ADAMTS12: variants seen among roughly 807,000 people sequenced by gnomAD.
ADAMTS12 encodes the protein A disintegrin and metalloproteinase with thrombospondin motifs 12.
A neutral mutation model predicts 167.8 loss-of-function variants in ADAMTS12; 118 were observed. The ratio of observed to expected loss-of-function variants is 0.70; its 90% confidence interval spans 0.61 to 0.82. ADAMTS12 has a LOEUF of 0.82. ADAMTS12 is among the 40% of genes least tolerant of loss of function. ADAMTS12 has a pLI of 0.00. For missense variants in ADAMTS12, 1,916 were observed against 1,998.8 expected (o/e 0.96, Z 0.79); for synonymous variants, 704 against 716.9 (o/e 0.98, Z 0.29).
chr5:33,536,785 A>C (rs934940721), intron 22 of ADAMTS12, among the ~76,000 whole-genome samples: 4 of 152,244 alleles, frequency 2.6e-5, no homozygotes, highest in Non-Finnish European at 5.9e-5. Context: ...GGGGAGACTT[A>C]AAAATGTTCT....
At chr5:33,765,451 TAACAC>T (rs1343805138) in intron 2 of ADAMTS12, among the ~76,000 whole-genome samples, 30 of 152,248 alleles carry the variant, frequency 2.0e-4, no homozygotes, top group Admixed American at 5.2e-4. Flanking sequence ...TAATCAAGCT[TAACAC>T]TTTGCATCTG....
Position 33,546,186 on chromosome 5 carries a change from C to T in ADAMTS12, c.4319G>A (p.Gly1440Glu), listed in dbSNP as rs1744976267. 1 of 1,613,118 alleles carries T rather than the reference C, an allele frequency of 6.2e-7. No individual in the cohort carries two copies. The highest frequency in any genetic ancestry group is 8.5e-7 in the Non-Finnish European group (1 of 1,179,690). ...EPWSQCSRSCGGGVQERGVFC... is the reference protein window; with the variant it reads ...EPWSQCSRSCEGGVQERGVFC... ...CACTCCTCTCTCCTGAACTCCACCT[C>T]CACAGGACCTGGAGCACTGATACAC... The change falls in exon 22 of 24, where the codon GGA becomes GAA. Residue 1440 changes from glycine (G) to glutamate (E), a missense_variant. Physicochemically the swap from Gly to Glu is moderately conservative, Grantham distance 98. Transcript: ENST00000504830.
At chr5:33,839,560 G>C (rs942415719) in intron 2 of ADAMTS12, among the ~76,000 whole-genome samples, 1 of 152,150 alleles carries the variant, frequency 6.6e-6, no homozygotes, top group African/African-American at 2.4e-5. Context: ...ACTCTGGAAG[G>C]GAACCAGAGA....
intron 3 of ADAMTS12, among the ~76,000 whole-genome samples, chr5:33,723,842 C>T (rs182633332): frequency 8.9e-4 from 136 of 152,330 alleles, no homozygotes; most frequent in African/African-American, 3.2e-3. Context: ...TGCCCTCTTC[C>T]CTTCCACTCT....
intron 2 of ADAMTS12, among the ~76,000 whole-genome samples, chr5:33,861,022 C>A (rs925395250): frequency 1.3e-5 from 2 of 152,100 alleles, no homozygotes; most frequent in African/African-American, 4.8e-5. Flanking sequence ...TACAAGAGCT[C>A]CTGAAGGAAA....
intron 3 of ADAMTS12, among the ~76,000 whole-genome samples, chr5:33,747,656 A>G (rs1381573638): frequency 3.3e-5 from 5 of 152,200 alleles, no homozygotes; most frequent in Admixed American, 1.3e-4. Context: ...AGATCTACTC[A>G]AAGGAGATTG....
At chr5:33,830,895 A>G (rs1035271648) in intron 2 of ADAMTS12, among the ~76,000 whole-genome samples, 2 of 152,204 alleles carry the variant, frequency 1.3e-5, no homozygotes, top group Non-Finnish European at 2.9e-5. Context: ...AAACATATAT[A>G]TTAATTTTAA....
intron 22 of ADAMTS12, among the ~76,000 whole-genome samples, chr5:33,538,250 G>T (rs568750484): frequency 6.6e-6 from 1 of 152,216 alleles, no homozygotes; most frequent in Admixed American, 6.5e-5. Flanking sequence ...GTGAGGGAGA[G>T]TGGGGAGTGA....
chr5:33,648,484 A>G (rs1740759840), intron 9 of ADAMTS12, among the ~76,000 whole-genome samples: 2 of 152,350 alleles, frequency 1.3e-5, no homozygotes, highest in South Asian at 4.1e-4. Flanking sequence ...CTCTTCAGCC[A>G]GATGTGAAAT....
chr5:33,557,631 A>G (rs937175640), intron 20 of ADAMTS12, among the ~76,000 whole-genome samples: 2 of 151,948 alleles, frequency 1.3e-5, no homozygotes, highest in Non-Finnish European at 2.9e-5. Context: ...CCCCATCTCA[A>G]AAAAAAATTA....
At chr5:33,823,845 C>A (rs909042692) in intron 2 of ADAMTS12, among the ~76,000 whole-genome samples, 1 of 151,780 alleles carries the variant, frequency 6.6e-6, no homozygotes, top group Non-Finnish European at 1.5e-5. Flanking sequence ...ACAGGGGTCT[C>A]GTTTTTAGAA....
chr5:33,543,897 C>G (rs577420802), intron 22 of ADAMTS12, among the ~76,000 whole-genome samples: 1 of 152,190 alleles, frequency 6.6e-6, no homozygotes, highest in Admixed American at 6.5e-5. Flanking sequence ...AAACCCACAG[C>G]CAATATTATA....
At chr5:33,760,879 C>CTGTG (rs61110268) in intron 2 of ADAMTS12, among the ~76,000 whole-genome samples, 1,625 of 145,554 alleles carry the variant, frequency 0.011, 11 homozygotes, top group African/African-American at 0.029. Flanking sequence ...TGTCTTTGCT[C>CTGTG]TGTGTGTGTG....
intron 19 of ADAMTS12, among the ~76,000 whole-genome samples, chr5:33,561,792 A>T (rs926368992): frequency 3.9e-5 from 6 of 152,182 alleles, no homozygotes; most frequent in African/African-American, 1.4e-4. Context: ...AAAGAAAACA[A>T]CATTAATTAT....
chr5:33,890,301 T>C (rs1189449688), intron 1 of ADAMTS12, among the ~76,000 whole-genome samples: 1 of 152,200 alleles, frequency 6.6e-6, no homozygotes, highest in Non-Finnish European at 1.5e-5. Context: ...ACAAAGGAAC[T>C]GTTTTTCAAA....
At chr5:33,842,296 G>T (rs2591738) in intron 2 of ADAMTS12, among the ~76,000 whole-genome samples, 1 of 152,110 alleles carries the variant, frequency 6.6e-6, no homozygotes, top group South Asian at 2.1e-4. Flanking sequence ...TTTCATCTTT[G>T]TTGTGGTCCT....
intron 2 of ADAMTS12, among the ~76,000 whole-genome samples, chr5:33,849,805 A>G (rs936178560): frequency 2.7e-5 from 4 of 149,856 alleles, no homozygotes; most frequent in African/African-American, 9.8e-5. Context: ...TATGTATTGC[A>G]TAGCAATATA....
intron 2 of ADAMTS12, among the ~76,000 whole-genome samples, chr5:33,826,077 T>C (rs981677852): frequency 6.6e-6 from 1 of 152,108 alleles, no homozygotes; most frequent in African/African-American, 2.4e-5. Context: ...AAAAAAGAAG[T>C]CCTCTTAAAA....
At chr5:33,623,964 T>C (rs1247368696) in intron 14 of ADAMTS12, among the ~76,000 whole-genome samples, 36 of 152,194 alleles carry the variant, frequency 2.4e-4, no homozygotes. Flanking sequence ...ATCACACTCT[T>C]ATACCTGTTC....
Sources: gnomAD v4.1 joint callset for allele counts (sites outside exome capture counted in the v4.1 genomes callset) on GRCh38, gnomAD v4.1.1 for gene constraint, MANE v1.5 for transcripts, NCBI Gene and HGNC (gene_info 2026-07-23, HGNC 2026-07-21) for gene names.